Variants in DAB2IP observed in about 807,000 individuals in gnomAD.
DAB2IP encodes disabled homolog 2-interacting protein.
Under a neutral mutation model 107.2 loss-of-function variants are expected in DAB2IP, and 28 were observed. The ratio of observed to expected loss-of-function variants is 0.26; its 90% confidence interval spans 0.19 to 0.36. DAB2IP has a LOEUF of 0.36. Among genes scored for constraint, DAB2IP ranks in the 10% least tolerant of loss-of-function variants. The pLI is 1.00. For synonymous variants in DAB2IP, 755 were observed against 706.4 expected, an observed-to-expected ratio of 1.07 and a Z score of -1.09; for missense variants, 1,400 against 1,644.7, an observed-to-expected ratio of 0.85 and a Z score of 2.57.
exon 16 of DAB2IP, chr9:121,783,506 G>A (rs1374712583): frequency 1.2e-6 from 2 of 1,614,010 alleles, no homozygotes; most frequent in Non-Finnish European, 1.7e-6. Context: ...CTGAGAAGGT[G>A]GATAACTGTG....
intron 3 of DAB2IP, among the ~76,000 whole-genome samples, chr9:121,728,819 A>AG (rs931844363): frequency 3.4e-5 from 5 of 146,126 alleles, no homozygotes; most frequent in South Asian, 2.3e-4. Flanking sequence ...AGATTTGGGG[A>AG]GGGGGGGACA....
intron 1 of DAB2IP, among the ~76,000 whole-genome samples, chr9:121,601,489 C>G (rs1238489874): frequency 1.3e-5 from 2 of 152,210 alleles, no homozygotes; most frequent in African/African-American, 4.8e-5. Context: ...CTTCTATCCA[C>G]TGGTTCTGGA....
At position 121,603,314 on chromosome 9, in the gene DAB2IP, G is replaced by T. The variant is rs118027337; in HGVS notation, c.40+36086G>T. 8.3e-3 allele frequency among the ~76,000 whole-genome samples: 1,263 copies of T among 152,338 alleles called. 21 individuals are homozygous for T. Among genetic ancestry groups the T allele is most frequent in the East Asian group, 0.039 (202 of 5,178 alleles). Reference sequence around the variant, plus strand: ...TCACTAGGAGAGATACAGGGTGGAGGAATCGCCTGCATAGACCCCAGCTGT... The same window carrying T: ...TCACTAGGAGAGATACAGGGTGGAGTAATCGCCTGCATAGACCCCAGCTGT... On this transcript the variant is annotated intron_variant, in intron 1 of 16. Transcript: ENST00000259371.
chr9:121,666,832 CTCTT>C (rs1244588075), intron 1 of DAB2IP, among the ~76,000 whole-genome samples: 1 of 150,948 alleles, frequency 6.6e-6, no homozygotes, highest in East Asian at 2.0e-4. Flanking sequence ...TTTTAGCAAA[CTCTT>C]TATTTGGCTT....
intron 1 of DAB2IP, among the ~76,000 whole-genome samples, chr9:121,645,067 G>A (rs1043277852): frequency 1.3e-5 from 2 of 152,224 alleles, no homozygotes; most frequent in Non-Finnish European, 1.5e-5. Context: ...CAGTGGGTGC[G>A]GAGCTGTCTG....
At chr9:121,688,614 C>T (rs574225727) in intron 2 of DAB2IP, among the ~76,000 whole-genome samples, 37 of 152,320 alleles carry the variant, frequency 2.4e-4, no homozygotes, top group Middle Eastern at 3.4e-3. Context: ...CATCTGTACA[C>T]GCTCCCTCAC....
At chr9:121,739,718 A>C (rs143149416) in intron 3 of DAB2IP, among the ~76,000 whole-genome samples, 190 of 152,352 alleles carry the variant, frequency 1.2e-3, no homozygotes, top group African/African-American at 4.3e-3. Context: ...AGGCGCTGTC[A>C]GGCAAGCATG....
intron 3 of DAB2IP, among the ~76,000 whole-genome samples, chr9:121,730,506 G>A (rs1022699967): frequency 6.6e-5 from 10 of 152,076 alleles, no homozygotes; most frequent in African/African-American, 2.2e-4. Flanking sequence ...CTCCTTTTTC[G>A]CCCAGCAGGC....
intron 3 of DAB2IP, among the ~76,000 whole-genome samples, chr9:121,746,648 C>T (rs1462591684): frequency 1.3e-5 from 2 of 152,160 alleles, no homozygotes; most frequent in African/African-American, 2.4e-5. Context: ...GCTGCCTCTG[C>T]CCCCGCATTC....
At chr9:121,733,078 C>A (rs561964579) in intron 3 of DAB2IP, among the ~76,000 whole-genome samples, 7 of 152,160 alleles carry the variant, frequency 4.6e-5, no homozygotes, top group Non-Finnish European at 8.8e-5. Context: ...CTTCAGAAGC[C>A]CTTGTGGTCT....
chr9:121,780,365 G>T (rs1442133462), intron 14 of DAB2IP, among the ~76,000 whole-genome samples: 1 of 152,168 alleles, frequency 6.6e-6, no homozygotes, highest in Non-Finnish European at 1.5e-5. Flanking sequence ...CTCCCAGTTA[G>T]TGCTCCCTGA....
intron 3 of DAB2IP, among the ~76,000 whole-genome samples, chr9:121,719,250 C>T (rs1372805667): frequency 1.3e-5 from 2 of 152,184 alleles, no homozygotes; most frequent in African/African-American, 4.8e-5. Flanking sequence ...TACCCAAGGA[C>T]ACGTAAGAAG....
At chr9:121,693,782 G>A (rs1829281546) in intron 2 of DAB2IP, among the ~76,000 whole-genome samples, 1 of 152,230 alleles carries the variant, frequency 6.6e-6, no homozygotes, top group Non-Finnish European at 1.5e-5. Flanking sequence ...AGAATGCAAG[G>A]ACAAATAGAT....
Position 121,776,143 on chromosome 9 carries a change from A to C in DAB2IP, c.3121-55A>C. On this transcript the variant is annotated intron_variant, in intron 13 of 15. Transcript: ENST00000408936. This position sits in a 1 kb window ranked among gnomAD's most constrained non-coding sequence, Gnocchi z 5.4. ...CCCTTCCTCCCACTCGGGCTGACGAAGCTGTGCTCTCTGTGTCCTGGGTGC... is the reference window on the plus strand; with the variant it reads ...CCCTTCCTCCCACTCGGGCTGACGACGCTGTGCTCTCTGTGTCCTGGGTGC... 6.5e-7 allele frequency: 1 copy of C among 1,544,920 alleles called. No individual in the cohort carries two copies. Among genetic ancestry groups the C allele is most frequent in the Non-Finnish European group, 8.7e-7 (1 of 1,143,844 alleles).
chr9:121,708,752 G>A (rs1203774037), intron 3 of DAB2IP, among the ~76,000 whole-genome samples: 1 of 152,256 alleles, frequency 6.6e-6, no homozygotes, highest in African/African-American at 2.4e-5. Context: ...GGTCCGCCAA[G>A]TCAAATTCCA....
intron 3 of DAB2IP, among the ~76,000 whole-genome samples, chr9:121,700,699 A>T (rs1416163797): frequency 2.0e-5 from 3 of 152,146 alleles, no homozygotes; most frequent in Admixed American, 2.0e-4. Context: ...CTTCCTGGAG[A>T]GTAACACTTC....
rs1829804402 is a variant in DAB2IP at position 121,701,920 on chromosome 9, C to T, written c.362+2462C>T. Among the ~76,000 whole-genome samples, 1 of 152,130 alleles carries T rather than the reference C, an allele frequency of 6.6e-6. No individual in the cohort carries two copies. Among genetic ancestry groups the T allele is most frequent in the Non-Finnish European group, 1.5e-5 (1 of 68,020 alleles). ...AGGGTTGTGTCCTGGCTCCATGGGA[C>T]CCCCACTGGCTGCCATGCCTCTGGC... is the stretch of plus-strand genomic sequence containing the variant. On this transcript the variant is annotated intron_variant, in intron 3 of 15. Transcript: ENST00000408936. This position sits in a 1 kb window ranked among gnomAD's most constrained non-coding sequence, Gnocchi z 4.7.
chr9:121,740,908 C>G (rs961763341), intron 3 of DAB2IP, among the ~76,000 whole-genome samples: 12 of 152,142 alleles, frequency 7.9e-5, no homozygotes, highest in African/African-American at 2.9e-4. Context: ...GTCCAGGGTT[C>G]CACAGTTGCT....
chr9:121,783,274 C>T, exon 16 of DAB2IP: 4 of 1,362,908 alleles, frequency 2.9e-6, no homozygotes, highest in Non-Finnish European at 3.8e-6. Context: ...CTTCCCACAC[C>T]TCCCACACAG....
Sources: gnomAD v4.1 joint callset for allele counts (sites outside exome capture counted in the v4.1 genomes callset) on GRCh38, gnomAD v4.1.1 for gene constraint, Gnocchi (gnomAD v3.1) non-coding constraint, MANE v1.5 for transcripts, NCBI Gene and HGNC (gene_info 2026-07-23, HGNC 2026-07-21) for gene names.